The following TCEA3 variants were observed in gnomAD, a reference collection of about 807,000 sequenced individuals.
TCEA3 encodes transcription elongation factor A3.
Under a neutral mutation model 44.0 loss-of-function variants are expected in TCEA3, and 36 were observed. The observed-to-expected ratio is 0.82, with a 90% CI of 0.63 to 1.08. The LOEUF is 1.08. Ranked by LOEUF, TCEA3 falls within the 50% of genes least tolerant of loss-of-function variation. The probability of loss-of-function intolerance (pLI) is 0.00; values close to 1 mark genes in which losing one functional copy is unlikely to be tolerated. For synonymous variants in TCEA3, 162 were observed against 159.7 expected (o/e 1.01, Z -0.11); for missense variants, 392 against 441.2 (o/e 0.89, Z 1.00).
chr1:23,410,183 T>C (rs1267651091), intron 4 of TCEA3, among the ~76,000 whole-genome samples: 1 of 151,948 alleles, frequency 6.6e-6, no homozygotes, highest in Non-Finnish European at 1.5e-5. Context: ...CAACAGGCCC[T>C]GGGAGTTCTT....
At chr1:23,420,649 T>C (rs554048093) in intron 1 of TCEA3, among the ~76,000 whole-genome samples, 2 of 152,314 alleles carry the variant, frequency 1.3e-5, no homozygotes, top group East Asian at 3.9e-4. Flanking sequence ...TTCAAGTCTT[T>C]GTGTGAACAG....
At chr1:23,387,871 G>A (rs1040736921) in intron 8 of TCEA3, among the ~76,000 whole-genome samples, 6 of 152,066 alleles carry the variant, frequency 3.9e-5, no homozygotes, top group Non-Finnish European at 7.4e-5. Flanking sequence ...TGCTTAGTGG[G>A]AACCTTGGCG....
intron 2 of TCEA3, chr1:23,418,343 G>A (rs918973202): frequency 4.4e-5 from 12 of 269,856 alleles, no homozygotes; most frequent in Non-Finnish European, 8.0e-5. Context: ...ATGGAGTCTC[G>A]CTATGTTGCC....
intron 1 of TCEA3, among the ~76,000 whole-genome samples, chr1:23,424,171 GC>G (rs1266288475): frequency 1.5e-5 from 1 of 68,848 alleles, no homozygotes; most frequent in Non-Finnish European, 3.1e-5. Flanking sequence ...CCCCCGCCCC[GC>G]CCCCGCCATC....
Position 23,393,922 on chromosome 1 carries a change from C to G in TCEA3, c.776G>C (p.Ser259Thr). The change falls in exon 8 of 11, where the codon AGT (serine) becomes ACT (threonine). Residue 259 changes from serine (S) to threonine (T), a missense_variant. Transcript: ENST00000450454. ...RNPGLRRNVL[S>T]GAISAGLIAK... ...TATAAGCCCTGCGGAGATGGCCCCACTGAGCACGTTCCGCCGCAGGCCGGG... is the reference window on the plus strand; with the variant it reads ...TATAAGCCCTGCGGAGATGGCCCCAGTGAGCACGTTCCGCCGCAGGCCGGG... The G allele has an allele frequency of 1.2e-6, 2 of 1,613,964 alleles. No homozygotes were observed. The highest frequency in any genetic ancestry group is 1.7e-6 in the Non-Finnish European group (2 of 1,179,898).
rs578128433 is a variant in TCEA3, at chr1:23,398,588, G to T, written c.444-633C>A. 3.9e-5 allele frequency among the ~76,000 whole-genome samples: 6 copies of T among 152,244 alleles called. No homozygotes were observed. In the East Asian group the frequency reaches 5.8e-4, roughly 15 times the overall value. On this transcript the variant is annotated intron_variant, in intron 5 of 10. Transcript: ENST00000450454. ...CAGAACTGTGCCAGGCACTTTAAAA[G>T]AATTTTCCAATTTAATCTTCATAGC... is the stretch of plus-strand genomic sequence containing the variant.
At chr1:23,424,505 T>G in intron 1 of TCEA3, 60 bp downstream of exon 1, 1 of 1,504,860 alleles carries the variant, frequency 6.6e-7, no homozygotes, top group Non-Finnish European at 9.1e-7. Context: ...CACCCCGGAA[T>G]CCGGGGCTTG....
intron 1 of TCEA3, among the ~76,000 whole-genome samples, chr1:23,421,581 C>G (rs1640068250): frequency 6.6e-6 from 1 of 152,004 alleles, no homozygotes; most frequent in South Asian, 2.1e-4. Context: ...TTCAAGCTAC[C>G]AACATGCTGT....
At chr1:23,406,045 C>T (rs1639534725) in intron 5 of TCEA3, among the ~76,000 whole-genome samples, 1 of 152,128 alleles carries the variant, frequency 6.6e-6, no homozygotes, top group Admixed American at 6.5e-5. Context: ...TTCTAAATGA[C>T]CCCTGCTGAG....
intron 10 of TCEA3, chr1:23,383,605 C>T: frequency 1.0e-6 from 1 of 985,400 alleles, no homozygotes; most frequent in Non-Finnish European, 1.2e-6. Context: ...CCTGACTTAT[C>T]TTGTACTTCT....
intron 4 of TCEA3, among the ~76,000 whole-genome samples, chr1:23,414,163 T>C (rs1639820538): frequency 6.6e-6 from 1 of 152,102 alleles, no homozygotes; most frequent in African/African-American, 2.4e-5. Context: ...CTCAGCTCAC[T>C]GAAACCTCCG....
intron 7 of TCEA3, among the ~76,000 whole-genome samples, chr1:23,396,070 A>C (rs1639208362): frequency 6.6e-6 from 1 of 152,142 alleles, no homozygotes; most frequent in Non-Finnish European, 1.5e-5. Flanking sequence ...ATGGCTCCAG[A>C]CTTGTTGAGG....
chr1:23,408,551 G>A, intron 5 of TCEA3, 113 bp downstream of exon 5: 2 of 1,064,834 alleles, frequency 1.9e-6, no homozygotes, highest in South Asian at 1.6e-5. Flanking sequence ...ACATAATGTA[G>A]GAGGTTTCTT....
intron 8 of TCEA3, among the ~76,000 whole-genome samples, chr1:23,391,500 T>C (rs191561620): frequency 1.3e-5 from 2 of 152,178 alleles, no homozygotes; most frequent in Admixed American, 1.3e-4. Context: ...GCTCCTCTAA[T>C]AGGGGCCTGA....
At chr1:23,382,291 C>T (rs533476718) in intron 10 of TCEA3, among the ~76,000 whole-genome samples, 15 of 152,208 alleles carry the variant, frequency 9.9e-5, no homozygotes, top group African/African-American at 2.4e-4. Flanking sequence ...GGTGATCCAC[C>T]GGCCTCCCAA....
intron 5 of TCEA3, chr1:23,404,183 A>T: frequency 1.4e-6 from 1 of 702,314 alleles, no homozygotes; most frequent in Non-Finnish European, 2.6e-6. Context: ...AATCATTCTG[A>T]TAGCCAGGTA....
chr1:23,404,016 T>C (rs750770248), intron 5 of TCEA3: 47 of 667,968 alleles, frequency 7.0e-5, no homozygotes, highest in Non-Finnish European at 1.2e-4. Context: ...AACAGCTTCC[T>C]TCTGCTCCCC....
At chr1:23,390,190 C>T (rs760705972) in intron 8 of TCEA3, among the ~76,000 whole-genome samples, 3 of 152,112 alleles carry the variant, frequency 2.0e-5, no homozygotes, top group South Asian at 2.1e-4. Context: ...ACAGCAGGGC[C>T]GGGCGCAGTG....
intron 8 of TCEA3, 119 bp downstream of exon 8, chr1:23,393,760 G>C (rs577877593): frequency 1.5e-6 from 2 of 1,342,882 alleles, no homozygotes; most frequent in African/African-American, 2.9e-5. Flanking sequence ...CTGAGATGAG[G>C]CTGGTTTGAA....
Sources: gnomAD v4.1 joint callset for allele counts (sites outside exome capture counted in the v4.1 genomes callset) on GRCh38, gnomAD v4.1.1 for gene constraint, MANE v1.5 for transcripts, NCBI Gene and HGNC (gene_info 2026-07-23, HGNC 2026-07-21) for gene names.